PUDP: variants seen among roughly 807,000 people sequenced by gnomAD.
PUDP encodes pseudouridine-5'-phosphatase.
A neutral mutation model predicts 9.4 loss-of-function variants in PUDP; 8 were observed. That is an observed-to-expected ratio of 0.85 (90% CI 0.50 to 1.53). The LOEUF is 1.53. PUDP is among the 40% of genes most tolerant of loss of function. PUDP has a pLI of 0.00. For missense variants in PUDP, 188 were observed against 189.7 expected (o/e 0.99, Z 0.05); for synonymous variants, 99 against 80.7 (o/e 1.23, Z -1.22).
At chrX:6,713,656 C>T (rs1924560845) in intron 1 of PUDP, among the ~76,000 whole-genome samples, 1 of 109,059 alleles carries the variant, frequency 9.2e-6, no homozygotes, top group Admixed American at 9.7e-5. Flanking sequence ...ATCTATGTAT[C>T]TCCCAGGAGA....
chrX:7,098,835 GGGCCAAGAGATGCAGGGGAGAGCC>G (rs1282136902), intron 2 of PUDP, among the ~76,000 whole-genome samples: 1 of 78,151 alleles, frequency 1.3e-5, no homozygotes, highest in African/African-American at 5.2e-5. Context: ...CAGGCGGTAA[GGGCCAAGAGATGCAGGGGAGAGCC>G]GGCCAAGAGA....
At chrX:6,863,059 GAGA>G (rs892119103) in intron 3 of PUDP, among the ~76,000 whole-genome samples, 8 of 111,400 alleles carry the variant, frequency 7.2e-5, no homozygotes, top group African/African-American at 2.6e-4. Flanking sequence ...TATTATTTTA[GAGA>G]AGGAGTCTGC....
In PUDP at chrX:6,708,979, T is replaced by C. The variant is rs760756946; in HGVS notation, n.129-2513A>G. 7.1e-5 allele frequency among the ~76,000 whole-genome samples: 8 copies of C among 112,171 alleles called. No homozygotes were observed. In the East Asian group the frequency reaches 2.2e-3, roughly 31 times the overall value. On this transcript the variant is annotated intron_variant and non_coding_transcript_variant, in intron 1 of 2. Coordinates refer to the PUDP transcript ENST00000438499. ...CCACCTGTGCTCACAGGTATATATATTGAACACACTTCTAAGCAAGACAGT... is the reference window on the plus strand; with the variant it reads ...CCACCTGTGCTCACAGGTATATATACTGAACACACTTCTAAGCAAGACAGT...
chrX:6,945,816 T>C (rs927428051), intron 3 of PUDP, among the ~76,000 whole-genome samples: 2 of 111,165 alleles, frequency 1.8e-5, no homozygotes, highest in African/African-American at 6.5e-5. Flanking sequence ...AACATGAATA[T>C]CGTAAACTAA....
At chrX:6,804,568 C>T (rs1926018233) in intron 3 of PUDP, among the ~76,000 whole-genome samples, 2 of 111,748 alleles carry the variant, frequency 1.8e-5, no homozygotes, top group Non-Finnish European at 3.8e-5. Flanking sequence ...ATTCTGCATT[C>T]TTTATGGTGC....
chrX:7,102,300 T>G (rs1931757371), intron 2 of PUDP, among the ~76,000 whole-genome samples: 1 of 98,642 alleles, frequency 1.0e-5, no homozygotes, highest in Non-Finnish European at 2.0e-5. Flanking sequence ...TGAAACCACA[T>G]TTACAGAATA....
intron 3 of PUDP, among the ~76,000 whole-genome samples, chrX:6,951,245 A>ATATCTATCTATC (rs58068829): frequency 8.5e-5 from 9 of 105,499 alleles, no homozygotes; most frequent in African/African-American, 1.7e-4. Context: ...TCCATCCATC[A>ATATCTATCTATC]TATCTATCTA....
intron 3 of PUDP, among the ~76,000 whole-genome samples, chrX:6,731,958 T>G (rs768245077): frequency 8.9e-6 from 1 of 112,157 alleles, no homozygotes; most frequent in African/African-American, 3.2e-5. Context: ...CCATTTGTAC[T>G]CCATCATATT....
intron 3 of PUDP, among the ~76,000 whole-genome samples, chrX:7,067,158 G>C (rs1164042367): frequency 1.8e-5 from 2 of 112,118 alleles, no homozygotes; most frequent in Non-Finnish European, 3.8e-5. Context: ...TTTTTCTCTA[G>C]CATTTAGTGA....
intron 2 of PUDP, among the ~76,000 whole-genome samples, chrX:7,101,866 T>C (rs1931745291): frequency 8.9e-6 from 1 of 111,787 alleles, no homozygotes; most frequent in African/African-American, 3.3e-5. Flanking sequence ...TAAAGGAGAA[T>C]ACTATTTGTT....
intron 3 of PUDP, among the ~76,000 whole-genome samples, chrX:6,802,140 A>C: frequency 8.9e-6 from 1 of 112,039 alleles, no homozygotes; most frequent in Non-Finnish European, 1.9e-5. Context: ...TTAATTTTAC[A>C]AAGCTCGATT....
intron 1 of PUDP, among the ~76,000 whole-genome samples, chrX:6,999,567 A>AT (rs1451094210): frequency 1.8e-5 from 2 of 111,474 alleles, no homozygotes; most frequent in African/African-American, 6.5e-5. Context: ...TAGACGTCAC[A>AT]TTTTTTCCCA....
intron 3 of PUDP, among the ~76,000 whole-genome samples, chrX:6,836,618 A>C (rs1013711354): frequency 2.7e-5 from 3 of 112,292 alleles, no homozygotes; most frequent in African/African-American, 3.2e-5. Flanking sequence ...CTATAGTCAC[A>C]TCTCCCTCTC....
intron 3 of PUDP, among the ~76,000 whole-genome samples, chrX:6,877,785 T>G (rs1209152083): frequency 9.0e-6 from 1 of 111,400 alleles, no homozygotes; most frequent in African/African-American, 3.3e-5. Flanking sequence ...CTTTTTAAAA[T>G]AAAGGTCTCA....
intron 1 of PUDP, among the ~76,000 whole-genome samples, chrX:7,020,421 C>T (rs745702034): frequency 5.5e-5 from 6 of 109,639 alleles, no homozygotes; most frequent in African/African-American, 2.0e-4. Flanking sequence ...TAGAGCTGTC[C>T]TCAGCACCTC....
At chrX:6,822,725 T>C (rs1458481547) in intron 3 of PUDP, among the ~76,000 whole-genome samples, 1 of 108,513 alleles carries the variant, frequency 9.2e-6, no homozygotes, top group Non-Finnish European at 1.9e-5. Flanking sequence ...ATTTTAGGTT[T>C]TGGGGTACAC....
At chrX:6,800,060 G>A (rs910248464) in intron 3 of PUDP, among the ~76,000 whole-genome samples, 1 of 111,464 alleles carries the variant, frequency 9.0e-6, no homozygotes, top group African/African-American at 3.3e-5. Flanking sequence ...TAACAGACCC[G>A]AGCTACTTAA....
At chrX:6,859,382 T>C (rs1926963073) in intron 3 of PUDP, among the ~76,000 whole-genome samples, 1 of 111,376 alleles carries the variant, frequency 9.0e-6, no homozygotes, top group Non-Finnish European at 1.9e-5. Context: ...GTTGCTTTGG[T>C]CATTCCTGGA....
intron 3 of PUDP, among the ~76,000 whole-genome samples, chrX:6,964,914 G>C (rs577114400): frequency 1.8e-5 from 2 of 111,037 alleles, no homozygotes; most frequent in South Asian, 7.6e-4. Flanking sequence ...ATCTCAATTC[G>C]TAAGAACCAA....
Sources: allele counts gnomAD v4.1 joint callset (sites outside exome capture counted in the v4.1 genomes callset), GRCh38; gene constraint gnomAD v4.1.1; transcripts MANE v1.5; gene names NCBI Gene and HGNC (gene_info 2026-07-23, HGNC 2026-07-21).